The following CNTNAP2 variants were observed in gnomAD, a reference collection of about 807,000 sequenced individuals.
CNTNAP2 encodes contactin associated protein 2.
CNTNAP2 carries 98 observed loss-of-function variants against 155.2 expected under a neutral mutation model. The ratio of observed to expected loss-of-function variants is 0.63; its 90% CI spans 0.54 to 0.75. The LOEUF is 0.75. CNTNAP2 is among the 30% of genes least tolerant of loss of function. CNTNAP2 has a pLI of 0.00. For missense variants in CNTNAP2, 1,727 were observed against 1,688.1 expected, an observed-to-expected ratio of 1.02 and a Z score of -0.40; for synonymous variants, 651 against 631.2, an observed-to-expected ratio of 1.03 and a Z score of -0.47.
intron 9 of CNTNAP2, among the ~76,000 whole-genome samples, chr7:147,306,385 T>C (rs1406931771): frequency 6.6e-6 from 1 of 152,070 alleles, no homozygotes; most frequent in Non-Finnish European, 1.5e-5. Flanking sequence ...TGGATAAAAA[T>C]GTGCTGGTCA....
At chr7:147,377,408 G>A (rs1383289500) in intron 9 of CNTNAP2, among the ~76,000 whole-genome samples, 1 of 151,188 alleles carries the variant, frequency 6.6e-6, no homozygotes, top group African/African-American at 2.4e-5. Context: ...TTTAATATTA[G>A]TCATTATCAC....
chr7:146,359,631 C>T (rs1795053427), intron 1 of CNTNAP2, among the ~76,000 whole-genome samples: 1 of 152,170 alleles, frequency 6.6e-6, no homozygotes. Context: ...TCTCTATGAA[C>T]ATTTCACTAT....
intron 8 of CNTNAP2, among the ~76,000 whole-genome samples, chr7:147,163,723 T>C (rs368601175): frequency 2.0e-5 from 3 of 152,212 alleles, no homozygotes; most frequent in African/African-American, 7.2e-5. Flanking sequence ...TTTCTATAAA[T>C]AAGTATGTAC....
chr7:147,053,782 A>G (rs964218272), intron 4 of CNTNAP2, among the ~76,000 whole-genome samples: 7 of 152,178 alleles, frequency 4.6e-5, no homozygotes, highest in African/African-American at 1.4e-4. Flanking sequence ...ACAAAAGTAT[A>G]TATACACATT....
rs776690378 is a variant in CNTNAP2 at position 148,229,614 on chromosome 7, C to T, written c.3248-32C>T. The T allele has an allele frequency of 6.8e-6, 11 of 1,613,546 alleles. 1 individual carries two copies. In the South Asian group the frequency reaches 9.9e-5, roughly 14 times the overall value. On this transcript the variant is annotated intron_variant, in intron 19 of 23. Coordinates refer to ENST00000361727, the MANE Select transcript of CNTNAP2 (RefSeq NM_014141.6). The stretch of plus-strand genomic sequence containing the variant: ...ACATTAAAATGAAATTTAGGGCAAA[C>T]AAATTACTGAGCTTTCTTTTTTCTT...
chr7:147,388,707 A>G (rs1347452080), intron 9 of CNTNAP2, among the ~76,000 whole-genome samples: 1 of 151,956 alleles, frequency 6.6e-6, no homozygotes, highest in Non-Finnish European at 1.5e-5. Context: ...CAGTCTCCCA[A>G]GTAGCTGGGA....
chr7:147,337,208 G>T (rs1795678805), intron 9 of CNTNAP2, among the ~76,000 whole-genome samples: 1 of 152,080 alleles, frequency 6.6e-6, no homozygotes, highest in Non-Finnish European at 1.5e-5. Context: ...GGAAGGTTAG[G>T]ATGTATGGTG....
At chr7:147,920,355 CAAAAAAAAAAA>C (rs35672069) in intron 14 of CNTNAP2, among the ~76,000 whole-genome samples, 2 of 86,876 alleles carry the variant, frequency 2.3e-5, no homozygotes, top group Admixed American at 2.9e-4. Flanking sequence ...GACTCCGTCT[CAAAAAAAAAAA>C]AAAAAAAAAA....
chr7:147,913,805 G>A (rs1018038271), intron 14 of CNTNAP2, among the ~76,000 whole-genome samples: 1 of 152,168 alleles, frequency 6.6e-6, no homozygotes, highest in Non-Finnish European at 1.5e-5. Context: ...CAGAGATGAT[G>A]TGAGAATCAG....
chr7:147,568,240 C>CTGCT (rs945468236), intron 12 of CNTNAP2, among the ~76,000 whole-genome samples: 8 of 151,700 alleles, frequency 5.3e-5, no homozygotes, highest in Non-Finnish European at 7.4e-5. Flanking sequence ...AAAAAAATCA[C>CTGCT]TGCTTGCAGT....
intron 3 of CNTNAP2, among the ~76,000 whole-genome samples, chr7:146,929,177 G>A (rs1460570412): frequency 1.3e-5 from 2 of 152,148 alleles, no homozygotes; most frequent in Non-Finnish European, 2.9e-5. Flanking sequence ...AGCCTAACTG[G>A]GAGGCACCCC....
At chr7:146,368,095 C>A (rs553246738) in intron 1 of CNTNAP2, among the ~76,000 whole-genome samples, 1 of 152,064 alleles carries the variant, frequency 6.6e-6, no homozygotes, top group African/African-American at 2.4e-5. Context: ...CTCTGCATCC[C>A]CAATGCCCTT....
intron 4 of CNTNAP2, among the ~76,000 whole-genome samples, chr7:147,056,382 A>T (rs748289399): frequency 6.6e-6 from 1 of 152,112 alleles, no homozygotes; most frequent in East Asian, 1.9e-4. Context: ...GGGAAAAAAA[A>T]ACCCTCTTTC....
chr7:146,675,003 C>G (rs1322399170), intron 1 of CNTNAP2, among the ~76,000 whole-genome samples: 4 of 152,088 alleles, frequency 2.6e-5, no homozygotes, highest in African/African-American at 7.2e-5. Context: ...GCTTAAAATA[C>G]TCCTTATGCT....
chr7:147,349,540 T>C (rs1795934104), intron 9 of CNTNAP2, among the ~76,000 whole-genome samples: 1 of 151,852 alleles, frequency 6.6e-6, no homozygotes, highest in African/African-American at 2.4e-5. Context: ...TCAAGATAGA[T>C]AGAAAAAAAT....
rs562588541 is a variant in CNTNAP2 at position 148,059,379 on chromosome 7, G to A, written c.2384-58739G>A. 9.2e-5 allele frequency among the ~76,000 whole-genome samples: 14 copies of A among 152,136 alleles called. No individual in the cohort carries two copies. The South Asian group carries it at 2.5e-3, about 27-fold the overall frequency. On this transcript the variant is annotated intron_variant, in intron 15 of 23. Transcript: ENST00000361727. ...GCTGAGCAGACTAGGATCACCTGAG[G>A]TCAGGAGTTCGAGACCAGCCTGACC...
chr7:146,221,810 C>G (rs1429583530), intron 1 of CNTNAP2, among the ~76,000 whole-genome samples: 2 of 152,140 alleles, frequency 1.3e-5, no homozygotes, highest in Non-Finnish European at 2.9e-5. Flanking sequence ...TACTTCTTAA[C>G]ATATTAAAGA....
At chr7:146,352,675 T>C (rs187837073) in intron 1 of CNTNAP2, among the ~76,000 whole-genome samples, 203 of 128,388 alleles carry the variant, frequency 1.6e-3, no homozygotes, top group African/African-American at 6.3e-3. Flanking sequence ...AGATTTATTA[T>C]AAACAATGAC....
intron 1 of CNTNAP2, among the ~76,000 whole-genome samples, chr7:146,740,145 T>A (rs1048659236): frequency 6.6e-6 from 1 of 152,068 alleles, no homozygotes; most frequent in African/African-American, 2.4e-5. Context: ...TCCTTGTCAT[T>A]CTTTATTTTT....
Sources: gnomAD v4.1 joint callset for allele counts (sites outside exome capture counted in the v4.1 genomes callset) on GRCh38, gnomAD v4.1.1 for gene constraint, MANE v1.5 for transcripts, NCBI Gene and HGNC (gene_info 2026-07-23, HGNC 2026-07-21) for gene names.